Variants in ABI3BP observed in about 807,000 individuals in gnomAD.
The protein encoded by ABI3BP is ABI family member 3 binding protein.
A neutral mutation model predicts 268.6 loss-of-function variants in ABI3BP; 216 were observed. The ratio of observed to expected loss-of-function variants is 0.80; its 90% CI spans 0.72 to 0.90. The LOEUF is 0.90. ABI3BP is among the 40% of genes least tolerant of loss of function. ABI3BP has a pLI of 0.00. For synonymous variants in ABI3BP, 730 were observed against 730.0 expected, an observed-to-expected ratio of 1.00 and a Z score of 0.00; for missense variants, 2,090 against 2,182.4, an observed-to-expected ratio of 0.96 and a Z score of 0.84.
chr3:100,832,782 A>G (rs2098515128), intron 30 of ABI3BP, among the ~76,000 whole-genome samples: 1 of 152,110 alleles, frequency 6.6e-6, no homozygotes. Context: ...AATTACATAC[A>G]ATTTGAAAAA....
chr3:100,885,272 C>T (rs2041432915), intron 6 of ABI3BP, among the ~76,000 whole-genome samples: 1 of 152,096 alleles, frequency 6.6e-6, no homozygotes, highest in South Asian at 2.1e-4. Flanking sequence ...TATGTATAAC[C>T]TTGAAATACC....
intron 1 of ABI3BP, among the ~76,000 whole-genome samples, chr3:100,979,031 T>A (rs116522490): frequency 2.6e-5 from 4 of 152,298 alleles, no homozygotes; most frequent in Non-Finnish European, 4.4e-5. Flanking sequence ...ATTGCTAGTA[T>A]CATCTGGGAA....
chr3:100,864,015 T>C lies in ABI3BP; in HGVS notation c.1125A>G (p.Pro375=). 1 of 1,534,414 alleles carries C rather than the reference T, an allele frequency of 6.5e-7. No individual in the cohort carries two copies. The highest frequency in any genetic ancestry group is 8.7e-7 in the Non-Finnish European group (1 of 1,145,216). The change falls in exon 12 of 68, where the codon CCA becomes CCG. Residue 375 remains proline, a synonymous_variant. Transcript: ENST00000471714. ...ATTATTTTTTACCTAGAGTGCTCAG[T>C]GGCAATTCAAACTGAGGTATTAGAA... is the stretch of plus-strand genomic sequence containing the variant. ...QTILIPQFEL[P]LSTLAPKSLP...
chr3:100,942,685 G>C (rs1034518585), intron 1 of ABI3BP, among the ~76,000 whole-genome samples: 2 of 152,056 alleles, frequency 1.3e-5, no homozygotes, highest in Non-Finnish European at 2.9e-5. Context: ...CCAGGGCTCT[G>C]AAAGTATGGT....
intron 9 of ABI3BP, among the ~76,000 whole-genome samples, chr3:100,873,326 C>T (rs1322546812): frequency 6.6e-6 from 1 of 152,048 alleles, no homozygotes; most frequent in African/African-American, 2.4e-5. Flanking sequence ...CTCTACATGG[C>T]CCTATTCCCT....
chr3:100,846,412 A>C lies in ABI3BP; in HGVS notation c.1683T>G (p.Pro561=). The C allele has an allele frequency of 6.2e-7, 1 of 1,602,324 alleles. No homozygotes were observed. Among genetic ancestry groups the C allele is most frequent in the African/African-American group, 1.3e-5 (1 of 74,884 alleles). The part of the protein sequence containing the change: ...PGKTQFISLK[P]KIPLSPEVTH... ...TCACTTCTGGGCTGAGAGGGATTTTAGGTTTCAGAGAAATAAATTGTGTTT... is the reference window on the plus strand; with the variant it reads ...TCACTTCTGGGCTGAGAGGGATTTTCGGTTTCAGAGAAATAAATTGTGTTT... The change falls in exon 20 of 68, where the codon CCT becomes CCG. Residue 561 remains proline (P), a synonymous_variant. Transcript: ENST00000471714.
chr3:100,847,781 C>T (rs973069117), intron 18 of ABI3BP, 108 bp from the exon 19 acceptor site: 2 of 872,986 alleles, frequency 2.3e-6, no homozygotes, highest in Non-Finnish European at 3.8e-6. Context: ...ATTTAGTAGT[C>T]AAAGTATACA....
chr3:100,951,766 G>A (rs549751629), intron 1 of ABI3BP, among the ~76,000 whole-genome samples: 1 of 152,032 alleles, frequency 6.6e-6, no homozygotes. Flanking sequence ...TGAGAACTTG[G>A]AGCAGTGGTT....
chr3:100,969,435 G>C (rs2082610736), intron 1 of ABI3BP, among the ~76,000 whole-genome samples: 1 of 152,180 alleles, frequency 6.6e-6, no homozygotes, highest in Admixed American at 6.5e-5. Context: ...AAAAAAGCAA[G>C]AGCCAAGTAC....
At chr3:100,963,740 T>C (rs551359454) in intron 1 of ABI3BP, among the ~76,000 whole-genome samples, 8 of 152,326 alleles carry the variant, frequency 5.3e-5, no homozygotes, top group Non-Finnish European at 1.2e-4. Flanking sequence ...GTTATTTCCA[T>C]CCACTTACCT....
intron 1 of ABI3BP, among the ~76,000 whole-genome samples, chr3:100,975,578 C>A (rs1409075944): frequency 6.6e-6 from 1 of 152,070 alleles, no homozygotes; most frequent in African/African-American, 2.4e-5. Context: ...TCACAAATAG[C>A]ATTAGCTTCA....
chr3:100,875,468 G>A (rs374821727), intron 8 of ABI3BP, 40 bp downstream of exon 8: 44 of 1,459,416 alleles, frequency 3.0e-5, no homozygotes, highest in African/African-American at 1.1e-4. Flanking sequence ...AAGATAGCCC[G>A]ATTTGCTTAA....
rs1314742585 is a variant in ABI3BP at position 100,981,745 on chromosome 3, T to C, written c.79+11561A>G. Among the ~76,000 whole-genome samples the C allele has an allele frequency of 2.6e-5, 4 of 152,304 alleles. No individual in the cohort carries two copies. The East Asian group carries it at 7.7e-4, about 29-fold the overall frequency. On this transcript the variant is annotated intron_variant, in intron 1 of 67. Coordinates refer to ENST00000471714, the MANE Select transcript of ABI3BP (RefSeq NM_001375547.2). ...AGTGGGATGCTCATGGCAAGAATTATGTTGAAAACACTCCCAGTGTCCTGG... is the reference window on the plus strand; with the variant it reads ...AGTGGGATGCTCATGGCAAGAATTACGTTGAAAACACTCCCAGTGTCCTGG...
rs531210471 is a variant in ABI3BP, at chr3:100,805,370, C to T, written c.3683-504G>A. ...GGAATGTGTTGGTTCACATCTTACC[C>T]GCCCTGCATTTCTCTGGCTCCAGAG... On this transcript the variant is annotated intron_variant, in intron 50 of 67. Coordinates refer to ENST00000471714, the MANE Select transcript of ABI3BP (RefSeq NM_001375547.2). Among the ~76,000 whole-genome samples the T allele has an allele frequency of 5.3e-5, 8 of 152,080 alleles. No individual in the cohort carries two copies. The South Asian group carries it at 6.3e-4, about 12-fold the overall frequency.
At chr3:100,814,813 A>G (rs545633658) in intron 44 of ABI3BP, among the ~76,000 whole-genome samples, 3 of 152,280 alleles carry the variant, frequency 2.0e-5, no homozygotes, top group South Asian at 2.1e-4. Context: ...TAAGAACTGT[A>G]TAAGATCGAT....
intron 1 of ABI3BP, among the ~76,000 whole-genome samples, chr3:100,988,420 C>G (rs764671794): frequency 4.6e-5 from 7 of 152,134 alleles, no homozygotes; most frequent in Non-Finnish European, 1.0e-4. Context: ...CTAGGCTTCC[C>G]TCTCAGTACT....
intron 1 of ABI3BP, among the ~76,000 whole-genome samples, chr3:100,979,807 T>G (rs2088326289): frequency 6.6e-6 from 1 of 152,216 alleles, no homozygotes; most frequent in Non-Finnish European, 1.5e-5. Flanking sequence ...TTTATGGGAT[T>G]ATAGGACTCA....
chr3:100,910,196 G>A (rs1184875685), intron 2 of ABI3BP, among the ~76,000 whole-genome samples: 1 of 152,124 alleles, frequency 6.6e-6, no homozygotes, highest in African/African-American at 2.4e-5. Flanking sequence ...ACTCATTAGT[G>A]GGAGGTGAAC....
intron 22 of ABI3BP, 26 bp downstream of exon 22, chr3:100,840,794 A>G: frequency 6.5e-7 from 1 of 1,526,946 alleles, no homozygotes; most frequent in East Asian, 2.5e-5. Context: ...GAAGAAACAA[A>G]GGTCACCCAC....
Sources: gnomAD v4.1 joint callset for allele counts (sites outside exome capture counted in the v4.1 genomes callset) on GRCh38, gnomAD v4.1.1 for gene constraint, MANE v1.5 for transcripts, NCBI Gene and HGNC (gene_info 2026-07-23, HGNC 2026-07-21) for gene names.